The following LINGO2 variants were observed in gnomAD, a reference collection of about 807,000 sequenced individuals.
The protein encoded by LINGO2 is leucine rich repeat and Ig domain containing 2.
In LINGO2, 14 loss-of-function variants were observed where a neutral mutation model predicts 30.6. That is an observed-to-expected ratio of 0.46 (90% CI 0.30 to 0.72). The LOEUF (loss-of-function observed/expected upper bound fraction) is 0.72. Among genes scored for constraint, LINGO2 ranks in the 30% least tolerant of loss-of-function variants. The pLI, the probability that LINGO2 is intolerant of heterozygous loss-of-function variation, is 0.07. For synonymous variants in LINGO2, 317 were observed against 288.5 expected (o/e 1.10, Z -1.00); for missense variants, 729 against 751.7 (o/e 0.97, Z 0.35).
At chr9:29,193,523 T>G in the LINGO2 span, among the ~76,000 whole-genome samples, 3 of 152,278 alleles carry the variant, frequency 2.0e-5, no homozygotes, top group Non-Finnish European at 4.4e-5. Context: ...TTGTATGCCT[T>G]TGAGGTATTA....
chr9:29,188,014 C>CTTTTTTTT, the LINGO2 span, among the ~76,000 whole-genome samples: 27 of 75,778 alleles, frequency 3.6e-4, no homozygotes, highest in African/African-American at 8.9e-4. Flanking sequence ...TTGACAGAGT[C>CTTTTTTTT]TTTTTTTTTT....
intron 4 of LINGO2, among the ~76,000 whole-genome samples, chr9:28,094,402 G>A (rs1489263844): frequency 6.6e-6 from 1 of 151,944 alleles, no homozygotes; most frequent in Non-Finnish European, 1.5e-5. Context: ...AAATGACTTC[G>A]GTGTATGCCA....
At chr9:28,993,322 G>A in the LINGO2 span, among the ~76,000 whole-genome samples, 2 of 152,104 alleles carry the variant, frequency 1.3e-5, no homozygotes, top group Non-Finnish European at 2.9e-5. Flanking sequence ...CCAGGAAAAA[G>A]TTGAATCTCT....
chr9:28,265,879 G>T (rs768655791), intron 4 of LINGO2, among the ~76,000 whole-genome samples: 1 of 151,888 alleles, frequency 6.6e-6, no homozygotes, highest in African/African-American at 2.4e-5. Flanking sequence ...GCTTTGGTTA[G>T]GTTTAAAGGC....
intron 4 of LINGO2, among the ~76,000 whole-genome samples, chr9:28,209,320 T>C (rs902482770): frequency 2.6e-5 from 4 of 151,982 alleles, no homozygotes; most frequent in African/African-American, 9.7e-5. Context: ...GTATGTATCA[T>C]TCATTCTGTC....
At chr9:29,120,693 C>T in the LINGO2 span, among the ~76,000 whole-genome samples, 2 of 152,146 alleles carry the variant, frequency 1.3e-5, no homozygotes, top group Non-Finnish European at 2.9e-5. Context: ...TAGTTCAAAT[C>T]TGCACTTCTA....
At chr9:28,087,565 G>A (rs1260462528) in intron 4 of LINGO2, among the ~76,000 whole-genome samples, 1 of 151,806 alleles carries the variant, frequency 6.6e-6, no homozygotes, top group African/African-American at 2.4e-5. Flanking sequence ...ATTCATTCTT[G>A]GTCCTATCTG....
At chr9:29,013,166 G>T in the LINGO2 span, among the ~76,000 whole-genome samples, 1 of 152,230 alleles carries the variant, frequency 6.6e-6, no homozygotes, top group East Asian at 1.9e-4. Flanking sequence ...AATTTATTCA[G>T]CCAGATTCTT....
intron 3 of LINGO2, among the ~76,000 whole-genome samples, chr9:28,332,206 T>C (rs934004554): frequency 6.6e-6 from 1 of 152,100 alleles, no homozygotes; most frequent in Non-Finnish European, 1.5e-5. Flanking sequence ...TTTCTAGTCC[T>C]TGCTTAAGAC....
At chr9:29,136,200 G>T in the LINGO2 span, among the ~76,000 whole-genome samples, 2 of 152,028 alleles carry the variant, frequency 1.3e-5, no homozygotes, top group African/African-American at 4.8e-5. Flanking sequence ...AGACAGGCAG[G>T]CATGGCTTGA....
intron 4 of LINGO2, among the ~76,000 whole-genome samples, chr9:28,284,335 C>T (rs958905367): frequency 3.3e-5 from 5 of 152,102 alleles, no homozygotes; most frequent in African/African-American, 1.2e-4. Context: ...TTAGATTGAT[C>T]TTGTGATGTA....
intron 2 of LINGO2, among the ~76,000 whole-genome samples, chr9:28,447,395 G>A (rs1044224834): frequency 1.3e-5 from 2 of 152,318 alleles, no homozygotes; most frequent in South Asian, 4.1e-4. Flanking sequence ...TACCATGTGC[G>A]AACCAGAAGA....
At chr9:28,091,463 T>G (rs1826083466) in intron 4 of LINGO2, among the ~76,000 whole-genome samples, 1 of 152,184 alleles carries the variant, frequency 6.6e-6, no homozygotes, top group South Asian at 2.1e-4. Flanking sequence ...GGATTCCCTA[T>G]TTAATAAATG....
chr9:28,355,363 CTGTGTGTGTGTGTGTGTGTGTG>C (rs61656726), intron 3 of LINGO2, among the ~76,000 whole-genome samples: 13 of 115,408 alleles, frequency 1.1e-4, no homozygotes, highest in South Asian at 7.5e-4. Context: ...CTCCCTCCCT[CTGTGTGTGTGTGTGTGTGTGTG>C]TGTGTGTGTG....
the LINGO2 span, among the ~76,000 whole-genome samples, chr9:28,991,624 G>A: frequency 6.7e-6 from 1 of 148,246 alleles, no homozygotes; most frequent in African/African-American, 2.5e-5. Context: ...AGAAAGGTCG[G>A]GTTACCCACA....
the LINGO2 span, among the ~76,000 whole-genome samples, chr9:29,139,530 A>AT: frequency 6.6e-6 from 1 of 152,144 alleles, no homozygotes; most frequent in African/African-American, 2.4e-5. Context: ...AGATGGCAAA[A>AT]TATGAAGTCC....
At chr9:28,410,738 T>C (rs549803956) in intron 2 of LINGO2, among the ~76,000 whole-genome samples, 1 of 152,268 alleles carries the variant, frequency 6.6e-6, no homozygotes, top group Admixed American at 6.5e-5. Flanking sequence ...CTGTGTATGT[T>C]TTACTTGCTT....
chr9:28,639,126 G>A (rs868500982), intron 1 of LINGO2, among the ~76,000 whole-genome samples: 8 of 152,142 alleles, frequency 5.3e-5, no homozygotes, highest in African/African-American at 1.2e-4. Context: ...GTAGTTGAGC[G>A]GTTTTGAGTG....
the LINGO2 span, among the ~76,000 whole-genome samples, chr9:28,922,598 G>C: frequency 6.6e-6 from 1 of 151,996 alleles, no homozygotes; most frequent in Non-Finnish European, 1.5e-5. Context: ...GTAACTCCTG[G>C]GGTTAAAACA....
Sources: gnomAD v4.1 joint callset for allele counts (sites outside exome capture counted in the v4.1 genomes callset) on GRCh38, gnomAD v4.1.1 for gene constraint, MANE v1.5 for transcripts, NCBI Gene and HGNC (gene_info 2026-07-23, HGNC 2026-07-21) for gene names.